Variants in TNRC6C observed in about 807,000 individuals in gnomAD.
TNRC6C encodes the protein trinucleotide repeat containing adaptor 6C.
A neutral mutation model predicts 153.7 loss-of-function variants in TNRC6C; 20 were observed. The ratio of observed to expected loss-of-function variants is 0.13; its 90% CI spans 0.09 to 0.19. The LOEUF (loss-of-function observed/expected upper bound fraction) is 0.19. TNRC6C is among the 10% of genes least tolerant of loss of function. The pLI, the probability that TNRC6C is intolerant of heterozygous loss-of-function variation, is 1.00. For synonymous variants in TNRC6C, 811 were observed against 841.4 expected, an observed-to-expected ratio of 0.96 and a Z score of 0.63; for missense variants, 1,987 against 2,172.0, an observed-to-expected ratio of 0.91 and a Z score of 1.69.
chr17:77,960,959 C>T (rs2070857075), intron 1 of TNRC6C, among the ~76,000 whole-genome samples: 1 of 152,050 alleles, frequency 6.6e-6, no homozygotes, highest in African/African-American at 2.4e-5. Flanking sequence ...TTCTTGGAAG[C>T]TGTTTTTCAT....
At position 78,104,355 on chromosome 17, in the gene TNRC6C, TAGC is replaced by T. The variant is rs2073650833; in HGVS notation, c.4713-127_4713-125del. 7.8e-7 allele frequency: 1 copy of T among 1,284,628 alleles called. No homozygotes were observed. Among genetic ancestry groups the T allele is most frequent in the Non-Finnish European group, 1.0e-6 (1 of 978,672 alleles). 79.6% of individuals were successfully genotyped at this position (1,284,628 alleles called of 1,614,324 possible). A position where few individuals can be genotyped will look rare whatever the true frequency, so the allele number is the denominator to read the frequency against. On this transcript the variant is annotated intron_variant, in intron 19 of 19. Coordinates refer to ENST00000301624, the Ensembl canonical transcript of TNRC6C. The surrounding 1 kb of genome is among the most constrained non-coding windows in gnomAD (Gnocchi z 6.2). ...AACATTCACAGTCTGGGTTTGGAAA[TAGC>T]AGTGGCAAAACAGAAGCCACAGGAT...
chr17:78,081,513 A>G (rs2073179573), intron 10 of TNRC6C, among the ~76,000 whole-genome samples: 1 of 152,220 alleles, frequency 6.6e-6, no homozygotes, highest in Non-Finnish European at 1.5e-5. Context: ...GATATAGGAT[A>G]AGCCACCATA....
In TNRC6C at chr17:78,049,569, T is replaced by C. The variant is rs200889517; in HGVS notation, c.507T>C (p.Asn169=). 6.2e-7 allele frequency: 1 copy of C among 1,614,012 alleles called. No homozygotes were observed. Among genetic ancestry groups the C allele is most frequent in the East Asian group, 2.2e-5 (1 of 44,888 alleles). ...AACCACAAACGTCCACTTCTCAGAA[T>C]GTGTCTTTCAGCGCACAACCTCAGA... The change falls in exon 3 of 20, where the codon AAT becomes AAC. Residue 169 remains asparagine, a synonymous_variant. Coordinates refer to ENST00000301624, the Ensembl canonical transcript of TNRC6C. The surrounding 1 kb of genome is among the most constrained non-coding windows in gnomAD (Gnocchi z 4.1).
chr17:78,097,955 C>G (rs2073518382), intron 16 of TNRC6C, 94 bp downstream of exon 19: 3 of 1,072,212 alleles, frequency 2.8e-6, no homozygotes, highest in Non-Finnish European at 4.0e-6. Flanking sequence ...TGGCTCTTTA[C>G]TCACTCCCTG....
At chr17:78,084,320 G>A (rs1198967441) in intron 11 of TNRC6C, among the ~76,000 whole-genome samples, 4 of 145,992 alleles carry the variant, frequency 2.7e-5, no homozygotes, top group African/African-American at 7.6e-5. Context: ...GAATCATGAA[G>A]GAGAAAAAAA....
chr17:78,010,839 A>G (rs2071614856), intron 1 of TNRC6C, among the ~76,000 whole-genome samples: 1 of 152,254 alleles, frequency 6.6e-6, no homozygotes, highest in Non-Finnish European at 1.5e-5. Flanking sequence ...TTTTAAAAAT[A>G]TATAGGTTAT....
intron 1 of TNRC6C, among the ~76,000 whole-genome samples, chr17:77,982,326 G>T (rs1676667594): frequency 1.3e-5 from 2 of 151,564 alleles, no homozygotes; most frequent in African/African-American, 4.9e-5. Context: ...AGAATGCCTT[G>T]TAAGAACTGA....
chr17:78,085,842 G>GT (rs11351810), intron 11 of TNRC6C, among the ~76,000 whole-genome samples: 171 of 142,620 alleles, frequency 1.2e-3, no homozygotes, highest in Middle Eastern at 7.2e-3. Context: ...TTGGTTTTTT[G>GT]TTTTTTTTTT....
chr17:78,039,217 T>C (rs1425837591), intron 2 of TNRC6C, among the ~76,000 whole-genome samples: 1 of 152,196 alleles, frequency 6.6e-6, no homozygotes, highest in Non-Finnish European at 1.5e-5. Context: ...AATCTCACTT[T>C]ATCCTGTGAT....
At chr17:78,088,959 C>CTTTTTTTTTT (rs59304499) in intron 13 of TNRC6C, among the ~76,000 whole-genome samples, 1 of 86,698 alleles carries the variant, frequency 1.2e-5, no homozygotes, top group Non-Finnish European at 2.4e-5. Flanking sequence ...CTTATCGTTA[C>CTTTTTTTTTT]TTTTTTTTTT....
rs750989509 is a variant in TNRC6C at position 78,104,441 on chromosome 17, G to C, written c.4713-44G>C. 3.5e-6 allele frequency: 5 copies of C among 1,444,040 alleles called. No individual in the cohort carries two copies. In the South Asian group the frequency reaches 7.4e-5, roughly 21 times the overall value. 89.5% of individuals were successfully genotyped at this position (1,444,040 alleles called of 1,614,324 possible). A position where few individuals can be genotyped will look rare whatever the true frequency, so the allele number is the denominator to read the frequency against. On this transcript the variant is annotated intron_variant, in intron 19 of 19. Coordinates refer to ENST00000301624, the Ensembl canonical transcript of TNRC6C. This position sits in a 1 kb window ranked among gnomAD's most constrained non-coding sequence, Gnocchi z 6.2. ...AAAGCCAGTGCCACGAACTCAGCAG[G>C]ACTTGGGGTGGCCCTGTTCACGTGC...
chr17:78,054,232 G>A (rs1482597783), intron 3 of TNRC6C, among the ~76,000 whole-genome samples: 1 of 152,198 alleles, frequency 6.6e-6, no homozygotes, highest in Admixed American at 6.5e-5. Flanking sequence ...TTGCAGGACT[G>A]GAAGTGGCTG....
intron 17 of TNRC6C, among the ~76,000 whole-genome samples, chr17:78,100,694 G>A (rs986987221): frequency 5.3e-5 from 8 of 151,688 alleles, no homozygotes; most frequent in Non-Finnish European, 1.0e-4. Flanking sequence ...TTGTCTTAGG[G>A]ATTAACATGC....
intron 16 of TNRC6C, among the ~76,000 whole-genome samples, chr17:78,094,335 GT>G (rs2144583888): frequency 6.6e-6 from 1 of 151,894 alleles, no homozygotes; most frequent in South Asian, 2.1e-4. Flanking sequence ...ATTGCCATAG[GT>G]ACTATCACTA....
At chr17:78,090,665 A>C (rs1200122372) in intron 13 of TNRC6C, among the ~76,000 whole-genome samples, 3 of 152,218 alleles carry the variant, frequency 2.0e-5, no homozygotes, top group Admixed American at 6.5e-5. Context: ...AACCTAGCTT[A>C]GTGCAGGTCC....
At chr17:77,977,436 T>A (rs945907111) in intron 1 of TNRC6C, among the ~76,000 whole-genome samples, 6 of 152,178 alleles carry the variant, frequency 3.9e-5, no homozygotes, top group African/African-American at 1.4e-4. Flanking sequence ...AGCTTTGGGT[T>A]ATGAAAAGGA....
chr17:77,974,478 C>T (rs903310822), intron 1 of TNRC6C, among the ~76,000 whole-genome samples: 6 of 151,666 alleles, frequency 4.0e-5, no homozygotes, highest in Admixed American at 3.9e-4. Context: ...TCATTACCAC[C>T]CCCGCCCCGC....
At chr17:78,098,765 T>C (rs2073535503) in intron 17 of TNRC6C, among the ~76,000 whole-genome samples, 1 of 152,186 alleles carries the variant, frequency 6.6e-6, no homozygotes, top group South Asian at 2.1e-4. Flanking sequence ...AGGTTTGCTC[T>C]GGGCCAAGAG....
intron 1 of TNRC6C, among the ~76,000 whole-genome samples, chr17:77,996,255 A>G (rs2071327015): frequency 6.6e-6 from 1 of 152,230 alleles, no homozygotes; most frequent in South Asian, 2.1e-4. Context: ...TAGATTGTTG[A>G]TAAACTACAT....
Sources: allele counts gnomAD v4.1 joint callset (sites outside exome capture counted in the v4.1 genomes callset), GRCh38; gene constraint gnomAD v4.1.1; non-coding constraint Gnocchi (gnomAD v3.1); transcripts MANE v1.5; gene names NCBI Gene and HGNC (gene_info 2026-07-23, HGNC 2026-07-21).